Variants in DNAH3 observed in about 807,000 individuals in gnomAD.
The protein encoded by DNAH3 is dynein axonemal heavy chain 3.
A neutral mutation model predicts 432.5 loss-of-function variants in DNAH3; 332 were observed. The ratio of observed to expected loss-of-function variants is 0.77; its 90% CI spans 0.70 to 0.84. DNAH3 has a LOEUF of 0.84. Among genes scored for constraint, DNAH3 ranks in the 40% least tolerant of loss-of-function variants. The pLI is 0.00. For synonymous variants in DNAH3, 1,956 were observed against 1,900.2 expected (o/e 1.03, Z -0.76); for missense variants, 4,861 against 5,114.0 (o/e 0.95, Z 1.51).
intron 57 of DNAH3, among the ~76,000 whole-genome samples, chr16:20,945,768 G>T (rs1771936064): frequency 2.0e-5 from 3 of 152,126 alleles, no homozygotes; most frequent in Admixed American, 2.0e-4. Flanking sequence ...GGGATTACAG[G>T]CATGAGCCAC....
exon 34 of DNAH3, chr16:21,037,783 G>T: frequency 1.2e-6 from 2 of 1,614,108 alleles, no homozygotes; most frequent in South Asian, 2.2e-5. Flanking sequence ...GACATCTTGC[G>T]CTAAGAACTT....
chr16:21,064,961 C>T (rs918393497), intron 24 of DNAH3, among the ~76,000 whole-genome samples: 1 of 151,364 alleles, frequency 6.6e-6, no homozygotes, highest in Non-Finnish European at 1.5e-5. Flanking sequence ...CTTATCCAGA[C>T]TTCCTGGGTA....
chr16:21,127,591 T>C (rs1597441626), intron 8 of DNAH3, 96 bp downstream of exon 9: 1 of 1,445,694 alleles, frequency 6.9e-7, no homozygotes, highest in South Asian at 1.3e-5. Flanking sequence ...AGGATGCCAG[T>C]GGGACAAACC....
At chr16:20,970,401 G>A (rs1011920963) in intron 51 of DNAH3, among the ~76,000 whole-genome samples, 5 of 152,152 alleles carry the variant, frequency 3.3e-5, no homozygotes, top group Non-Finnish European at 5.9e-5. Flanking sequence ...GTGGGCGCTT[G>A]TAATCTCAGC....
rs1395136371 is a variant in DNAH3, at chr16:21,145,852, G to A, written c.222+132C>T. On this transcript the variant is annotated intron_variant, in intron 2 of 61. Coordinates refer to ENST00000261383, the Ensembl canonical transcript of DNAH3. ...TCTTCTGGGGGCAAAAGCGACCAAA[G>A]CTACTAATCCTACTTGTCAGGTCTG... 1.2e-5 allele frequency: 8 copies of A among 643,552 alleles called. No individual in the cohort carries two copies. The East Asian group carries it at 2.2e-4, about 18-fold the overall frequency. 39.9% of individuals were successfully genotyped at this position (643,552 alleles called of 1,614,324 possible).
exon 53 of DNAH3, chr16:20,965,128 A>G (rs371303386): frequency 6.2e-7 from 1 of 1,614,132 alleles, no homozygotes; most frequent in Non-Finnish European, 8.5e-7. Context: ...CAGCTTCTGC[A>G]TCTGTGCAGC....
chr16:20,997,329 G>A lies in DNAH3; in HGVS notation c.6555C>T (p.Leu2185=), dbSNP rs200372716. The A allele has an allele frequency of 6.1e-5, 98 of 1,614,114 alleles. 1 individual carries two copies. The Admixed American group carries it at 7.5e-4, about 12-fold the overall frequency. Residue 2185 remains leucine, a synonymous_variant, in exon 44 of 62, where the codon CTC becomes CTT. Transcript: ENST00000261383. ...CCCCGGGGGGCCCCATGGCTGTCAC[G>A]AGCAGCATGTCCACGATGTCCAGCC...
exon 29 of DNAH3, chr16:21,051,782 C>T: frequency 6.2e-7 from 1 of 1,614,102 alleles, no homozygotes; most frequent in Non-Finnish European, 8.5e-7. Flanking sequence ...TCCTTGGCCA[C>T]CCAGTAGTAG....
At chr16:20,974,328 GC>G (rs2085476535) in intron 51 of DNAH3, among the ~76,000 whole-genome samples, 2 of 151,934 alleles carry the variant, frequency 1.3e-5, no homozygotes, top group Non-Finnish European at 2.9e-5. Context: ...ATGAGCCACT[GC>G]CCCTGGCCAC....
rs1213102668 is a variant in DNAH3, at chr16:20,952,428, A to G, written c.11188+5T>C. ...TTACAGTGGAAAAACTCCTCCCGTA[A>G]ATACCTGTCAGGTAGGTCAGAGCAT... On this transcript the variant is annotated splice_donor_5th_base_variant and intron_variant, in intron 56 of 61. Coordinates refer to ENST00000261383, the Ensembl canonical transcript of DNAH3. 2 of 1,580,114 alleles carry G rather than the reference A, an allele frequency of 1.3e-6. No individual in the cohort carries two copies. Among genetic ancestry groups the G allele is most frequent in the African/African-American group, 2.7e-5 (2 of 74,026 alleles).
In DNAH3 at chr16:20,959,050, G is replaced by A. The variant is rs769627102; in HGVS notation, c.10826+129C>T. The A allele has an allele frequency of 1.4e-5, 13 of 931,860 alleles. No individual in the cohort carries two copies. The East Asian group carries it at 1.5e-4, about 11-fold the overall frequency. 57.7% of individuals were successfully genotyped at this position (931,860 alleles called of 1,614,324 possible). A position where few individuals can be genotyped will look rare whatever the true frequency, so the allele number is the denominator to read the frequency against. Reference sequence around the variant, plus strand: ...TCCAAAGTGCTGGGATTACAGACATGAGCCACCCTGCCTGGCCTAGACTGA... The same window carrying A: ...TCCAAAGTGCTGGGATTACAGACATAAGCCACCCTGCCTGGCCTAGACTGA... On this transcript the variant is annotated intron_variant, in intron 54 of 61. Transcript: ENST00000261383.
Position 21,075,616 on chromosome 16 carries a change from A to C in DNAH3, c.2970-55T>G. 5.0e-6 allele frequency: 7 copies of C among 1,395,318 alleles called. No individual in the cohort carries two copies. In the East Asian group the frequency reaches 1.1e-4, roughly 23 times the overall value. 86.4% of individuals were successfully genotyped at this position (1,395,318 alleles called of 1,614,324 possible). ...CAACAGGAGGCAGAGAAGACACATC[A>C]AAGGAGGAACTTCAGGCCAGGCATG... On this transcript the variant is annotated intron_variant, in intron 20 of 61. Transcript: ENST00000261383.
chr16:21,138,447 G>C (rs542919242), intron 5 of DNAH3, among the ~76,000 whole-genome samples: 35 of 152,258 alleles, frequency 2.3e-4, no homozygotes, highest in African/African-American at 8.4e-4. Context: ...CAGGCAGTTA[G>C]GGTGTTTACC....
In DNAH3 at chr16:21,157,517, A is replaced by G. The variant is rs1025361432; in HGVS notation, c.117+1808T>C. Among the ~76,000 whole-genome samples, 9 of 151,770 alleles carry G rather than the reference A, an allele frequency of 5.9e-5. No homozygotes were observed. In the East Asian group the frequency reaches 7.7e-4, roughly 13 times the overall value. Reference sequence around the variant, plus strand: ...GCTAGTTTTTATATTTTTAGTAGAGATGGGGTTTCACCATGTTGGCCAGGC... The same window carrying G: ...GCTAGTTTTTATATTTTTAGTAGAGGTGGGGTTTCACCATGTTGGCCAGGC... On this transcript the variant is annotated intron_variant, in intron 1 of 61. Coordinates refer to ENST00000261383, the Ensembl canonical transcript of DNAH3.
intron 9 of DNAH3, 112 bp from the exon 11 acceptor site, chr16:21,122,236 G>A: frequency 1.2e-6 from 1 of 860,346 alleles, no homozygotes; most frequent in Non-Finnish European, 1.8e-6. Flanking sequence ...GGCAATGAAG[G>A]GCATCATACA....
chr16:21,106,629 A>T (rs2091953386), exon 15 of DNAH3: 1 of 1,607,656 alleles, frequency 6.2e-7, no homozygotes. Flanking sequence ...TGTTGGCAGG[A>T]ACCTCACTGA....
chr16:21,134,185 ACAG>A (rs2152823141), intron 7 of DNAH3, 71 bp downstream of exon 8: 1 of 1,453,784 alleles, frequency 6.9e-7, no homozygotes, highest in South Asian at 1.3e-5. Flanking sequence ...CCCACTGTGC[ACAG>A]CAGAATAGGC....
At chr16:20,979,613 G>A (rs1471228097) in intron 49 of DNAH3, 67 bp from the exon 50 acceptor site, 1 of 1,419,958 alleles carries the variant, frequency 7.0e-7, no homozygotes, top group East Asian at 2.3e-5. Context: ...TACAGCTTTA[G>A]TTATAGACAT....
chr16:20,980,170 AAT>A lies in DNAH3; in HGVS notation c.7860-626_7860-625del, dbSNP rs1156852259. 9.4e-4 allele frequency among the ~76,000 whole-genome samples: 125 copies of A among 133,618 alleles called. 1 individual carries two copies. The highest frequency in any genetic ancestry group is 2.6e-3 in the African/African-American group (89 of 33,860). The allele number at this position is 133,618 out of a possible 152,430, so 87.7% of individuals were successfully genotyped here. On this transcript the variant is annotated intron_variant, in intron 49 of 61. Coordinates refer to ENST00000261383, the Ensembl canonical transcript of DNAH3. ...TATTCCCTGACTTTGTAGAAAAAAA[AAT>A]ATATATATATATATATAATTTTATT...
Sources: gnomAD v4.1 joint callset for allele counts (sites outside exome capture counted in the v4.1 genomes callset) on GRCh38, gnomAD v4.1.1 for gene constraint, MANE v1.5 for transcripts, NCBI Gene and HGNC (gene_info 2026-07-23, HGNC 2026-07-21) for gene names.